IPO8: variants seen among roughly 807,000 people sequenced by gnomAD.
IPO8 encodes importin 8, also known as importin-8.
In IPO8, 65 loss-of-function variants were observed where a neutral mutation model predicts 141.2. The ratio of observed to expected loss-of-function variants is 0.46; its 90% CI spans 0.38 to 0.57. The LOEUF is 0.57. Ranked by LOEUF, IPO8 falls within the 20% of genes least tolerant of loss-of-function variation. The probability of loss-of-function intolerance (pLI) is 0.00; values close to 1 mark genes in which losing one functional copy is unlikely to be tolerated. For missense variants in IPO8, 980 were observed against 1,246.8 expected (o/e 0.79, Z 3.22); for synonymous variants, 411 against 420.3 (o/e 0.98, Z 0.27).
chr12:30,664,357 T>C (rs1199568694), intron 13 of IPO8, among the ~76,000 whole-genome samples: 1 of 152,228 alleles, frequency 6.6e-6, no homozygotes, highest in Non-Finnish European at 1.5e-5. Context: ...GTACAAGGCA[T>C]TGTTAATATA....
intron 1 of IPO8, among the ~76,000 whole-genome samples, chr12:30,690,806 A>G (rs564824725): frequency 1.3e-5 from 2 of 152,336 alleles, no homozygotes; most frequent in African/African-American, 4.8e-5. Context: ...TTTTTTTAAC[A>G]TATTGTCAGA....
intron 13 of IPO8, among the ~76,000 whole-genome samples, chr12:30,664,739 T>C (rs1444136414): frequency 3.0e-5 from 4 of 133,954 alleles, no homozygotes; most frequent in African/African-American, 1.2e-4. Flanking sequence ...ATAAAATCCA[T>C]AAATATTTTC....
At chr12:30,652,099 A>T (rs747225381) in intron 19 of IPO8, 93 bp downstream of exon 19, 18 of 658,664 alleles carry the variant, frequency 2.7e-5, no homozygotes, top group African/African-American at 5.5e-5. Flanking sequence ...TGCAGAACTA[A>T]ATGTGTAAGA....
intron 2 of IPO8, among the ~76,000 whole-genome samples, chr12:30,689,230 C>G (rs1175799950): frequency 2.0e-5 from 3 of 151,966 alleles, no homozygotes; most frequent in African/African-American, 4.8e-5. Context: ...CTAATGTTTC[C>G]ATGTCATTAA....
intron 20 of IPO8, among the ~76,000 whole-genome samples, chr12:30,647,586 T>C (rs1347180820): frequency 4.7e-4 from 43 of 90,754 alleles, no homozygotes; most frequent in Admixed American, 1.7e-3. Context: ...GCCCAGGTGA[T>C]AGAATGAGAC....
chr12:30,683,099 G>A (rs992290730), intron 3 of IPO8, among the ~76,000 whole-genome samples: 6 of 152,080 alleles, frequency 3.9e-5, no homozygotes, highest in Non-Finnish European at 5.9e-5. Flanking sequence ...TCCAAGCAAA[G>A]GATGGTTATG....
Position 30,695,502 on chromosome 12 carries a change from C to G in IPO8, c.84+62G>C. ...GACGAGGGGCGCCGGGGAGAGGGAG[C>G]CCGGCCAGCCGGCAGGGGCGCCCCT... On this transcript the variant is annotated intron_variant, in intron 1 of 24. Transcript: ENST00000256079. This position sits in a 1 kb window ranked among gnomAD's most constrained non-coding sequence, Gnocchi z 4.2. 2.0e-6 allele frequency: 3 copies of G among 1,483,484 alleles called. No homozygotes were observed. In the Admixed American group the frequency reaches 5.1e-5, roughly 25 times the overall value. The allele number at this position is 1,483,484 out of a possible 1,614,324, so 91.9% of individuals were successfully genotyped here. A position where few individuals can be genotyped will look rare whatever the true frequency, so the allele number is the denominator to read the frequency against.
intron 20 of IPO8, among the ~76,000 whole-genome samples, chr12:30,642,186 G>A (rs1402370935): frequency 6.6e-6 from 1 of 151,974 alleles, no homozygotes; most frequent in African/African-American, 2.4e-5. Context: ...TGGGGTACAA[G>A]AGCGAGACTT....
intron 2 of IPO8, among the ~76,000 whole-genome samples, chr12:30,689,989 G>GA: frequency 6.6e-6 from 1 of 152,128 alleles, no homozygotes. Context: ...AAAGAACGAT[G>GA]TACAACATCA....
chr12:30,657,127 T>C (rs2052811055), intron 16 of IPO8, among the ~76,000 whole-genome samples: 1 of 151,892 alleles, frequency 6.6e-6, no homozygotes, highest in African/African-American at 2.4e-5. Context: ...AATGAAATCA[T>C]CTGACTAAAA....
chr12:30,648,924 C>A (rs2052685783), intron 20 of IPO8, among the ~76,000 whole-genome samples: 1 of 152,002 alleles, frequency 6.6e-6, no homozygotes, highest in African/African-American at 2.4e-5. Context: ...TATATTATTA[C>A]ATATTTTTCT....
rs1423554575 is a variant in IPO8 at position 30,629,143 on chromosome 12, C to T, written c.*1717G>A. The stretch of plus-strand genomic sequence containing the variant: ...AAGATAGGGTAATGCACATTAATAT[C>T]TCTTTCCCTTTAATACTGCAGAAGA... On this transcript the variant is annotated 3_prime_UTR_variant, in exon 25 of 25. Transcript: ENST00000256079. 1 of 152,168 alleles carries T rather than the reference C, an allele frequency of 6.6e-6. No homozygotes were observed. Among genetic ancestry groups the T allele is most frequent in the African/African-American group, 2.4e-5 (1 of 41,436 alleles). The allele number at this position is 152,168 out of a possible 1,614,324, so 9.4% of individuals were successfully genotyped here.
At chr12:30,635,830 T>C (rs1409825567) in intron 22 of IPO8, among the ~76,000 whole-genome samples, 1 of 151,950 alleles carries the variant, frequency 6.6e-6, no homozygotes, top group Non-Finnish European at 1.5e-5. Flanking sequence ...GAGAAATACC[T>C]CCACTAGTTA....
chr12:30,645,965 C>T (rs527558157), intron 20 of IPO8, among the ~76,000 whole-genome samples: 1 of 152,250 alleles, frequency 6.6e-6, no homozygotes, highest in South Asian at 2.1e-4. Flanking sequence ...TTCTTCACAA[C>T]TCTTTGAACA....
intron 8 of IPO8, among the ~76,000 whole-genome samples, chr12:30,672,293 C>A (rs1272797933): frequency 6.6e-6 from 1 of 152,146 alleles, no homozygotes; most frequent in Non-Finnish European, 1.5e-5. Flanking sequence ...TTTCCTAAAA[C>A]TCAGGTTTAC....
intron 15 of IPO8, 58 bp downstream of exon 15, chr12:30,662,268 GT>G (rs2052898355): frequency 7.2e-7 from 1 of 1,392,208 alleles, no homozygotes; most frequent in Non-Finnish European, 1.0e-6. Flanking sequence ...ATATTTTGGA[GT>G]TTATTTAGAT....
At chr12:30,682,603 T>C (rs1239941407) in intron 3 of IPO8, among the ~76,000 whole-genome samples, 2 of 151,894 alleles carry the variant, frequency 1.3e-5, no homozygotes, top group African/African-American at 2.4e-5. Context: ...GAAAAGAAAA[T>C]AGGGGGAAAA....
rs183136117 is a variant in IPO8 at position 30,648,285 on chromosome 12, C to G, written c.2268+852G>C. ...AATACACACTACCACACAGATGAACCTTGAAAACCTATGACAAGTGAAAGA... is the reference window on the plus strand; with the variant it reads ...AATACACACTACCACACAGATGAACGTTGAAAACCTATGACAAGTGAAAGA... On this transcript the variant is annotated intron_variant, in intron 20 of 24. Coordinates refer to ENST00000256079, the MANE Select transcript of IPO8 (RefSeq NM_006390.4). 2.3e-3 allele frequency among the ~76,000 whole-genome samples: 345 copies of G among 152,230 alleles called. 6 individuals are homozygous for G. The highest frequency in any genetic ancestry group is 5.0e-3 in the East Asian group (26 of 5,188).
chr12:30,695,853 T>G lies in IPO8; in HGVS notation c.-206A>C, dbSNP rs2053335960. The stretch of plus-strand genomic sequence containing the variant: ...CCTTTTTCCCCCCCACAACTCGCTC[T>G]CCATTCACCGTTTTACGACAGCCGG... On this transcript the variant is annotated 5_prime_UTR_variant, in exon 1 of 25. Transcript: ENST00000256079. This position sits in a 1 kb window ranked among gnomAD's most constrained non-coding sequence, Gnocchi z 4.2. The G allele has an allele frequency of 3.9e-6, 2 of 508,156 alleles. No homozygotes were observed. Among genetic ancestry groups the G allele is most frequent in the African/African-American group, 2.1e-5 (1 of 47,096 alleles). The allele number at this position is 508,156 out of a possible 1,614,324, so 31.5% of individuals were successfully genotyped here.
Sources: allele counts gnomAD v4.1 joint callset (sites outside exome capture counted in the v4.1 genomes callset), GRCh38; gene constraint gnomAD v4.1.1; non-coding constraint Gnocchi (gnomAD v3.1); transcripts MANE v1.5; gene names NCBI Gene and HGNC (gene_info 2026-07-23, HGNC 2026-07-21).